ITGBL1: variants seen among roughly 807,000 people sequenced by gnomAD.
The protein encoded by ITGBL1 is integrin beta-like protein 1.
ITGBL1 carries 51 observed loss-of-function variants against 68.5 expected under a neutral mutation model. The ratio of observed to expected loss-of-function variants is 0.74; its 90% CI spans 0.59 to 0.94. The LOEUF is 0.94. Among genes scored for constraint, ITGBL1 ranks in the 40% least tolerant of loss-of-function variants. ITGBL1 has a pLI of 0.00. For synonymous variants in ITGBL1, 209 were observed against 227.3 expected (o/e 0.92, Z 0.72); for missense variants, 649 against 647.4 (o/e 1.00, Z -0.03).
intron 2 of ITGBL1, among the ~76,000 whole-genome samples, chr13:101,525,005 G>A (rs770857567): frequency 6.6e-6 from 1 of 152,060 alleles, no homozygotes; most frequent in African/African-American, 2.4e-5. Context: ...ACCTATAATT[G>A]AAATTTTATG....
intron 2 of ITGBL1, among the ~76,000 whole-genome samples, chr13:101,471,719 A>G (rs2048463547): frequency 6.6e-6 from 1 of 152,178 alleles, no homozygotes; most frequent in Admixed American, 6.5e-5. Flanking sequence ...CAGGAGCACT[A>G]GAAAGTGAGA....
chr13:101,605,724 G>A (rs1200150741), intron 7 of ITGBL1, among the ~76,000 whole-genome samples: 3 of 151,320 alleles, frequency 2.0e-5, no homozygotes, highest in Non-Finnish European at 4.4e-5. Context: ...GTATATGCGT[G>A]TACACGTATG....
At chr13:101,694,359 C>T (rs868841476) in intron 8 of ITGBL1, among the ~76,000 whole-genome samples, 3 of 152,062 alleles carry the variant, frequency 2.0e-5, no homozygotes, top group Non-Finnish European at 2.9e-5. Flanking sequence ...GCTTGCCTGG[C>T]CCCTTGAAAG....
chr13:101,483,394 C>G (rs1346486841), intron 2 of ITGBL1, among the ~76,000 whole-genome samples: 1 of 152,178 alleles, frequency 6.6e-6, no homozygotes, highest in Admixed American at 6.5e-5. Context: ...ATATCATTGA[C>G]AATGTGTCAC....
chr13:101,539,684 C>G (rs1371179876), intron 2 of ITGBL1, among the ~76,000 whole-genome samples: 1 of 151,370 alleles, frequency 6.6e-6, no homozygotes, highest in Non-Finnish European at 1.5e-5. Flanking sequence ...TAAAAGTGTT[C>G]CTATTTCTCC....
chr13:101,546,381 G>C (rs1335062817), intron 2 of ITGBL1, among the ~76,000 whole-genome samples: 1 of 151,772 alleles, frequency 6.6e-6, no homozygotes, highest in Admixed American at 6.6e-5. Context: ...TGATATTGTG[G>C]AACAAAACAA....
At chr13:101,660,156 T>C (rs980756842) in intron 7 of ITGBL1, among the ~76,000 whole-genome samples, 1 of 152,076 alleles carries the variant, frequency 6.6e-6, no homozygotes, top group African/African-American at 2.4e-5. Flanking sequence ...AAAGAAATAG[T>C]TTAATAAAGT....
At chr13:101,550,588 T>A (rs1323630197) in intron 2 of ITGBL1, among the ~76,000 whole-genome samples, 3 of 152,180 alleles carry the variant, frequency 2.0e-5, no homozygotes, top group African/African-American at 7.2e-5. Context: ...GCTAATTTGT[T>A]AGTTTGAAAG....
rs973442109 is a variant in ITGBL1 at position 101,455,530 on chromosome 13, C to G, written c.316+1430C>G. Among the ~76,000 whole-genome samples the G allele has an allele frequency of 5.3e-5, 8 of 151,942 alleles. No individual in the cohort carries two copies. In the East Asian group the frequency reaches 1.6e-3, roughly 30 times the overall value. On this transcript the variant is annotated intron_variant, in intron 2 of 10. Transcript: ENST00000376180. ...AAAAATACAAAAATTAGCTGGGCGT[C>G]GTGGCATGTGCCTGTAATCCCAGCT...
At chr13:101,568,442 C>T (rs556406648) in intron 3 of ITGBL1, among the ~76,000 whole-genome samples, 6 of 152,114 alleles carry the variant, frequency 3.9e-5, no homozygotes, top group South Asian at 4.1e-4. Context: ...TGGTATTTAG[C>T]GAGTGTTACC....
At chr13:101,471,680 C>T (rs1290348950) in intron 2 of ITGBL1, among the ~76,000 whole-genome samples, 1 of 152,036 alleles carries the variant, frequency 6.6e-6, no homozygotes, top group Admixed American at 6.6e-5. Context: ...TTTATGCTAC[C>T]CAAGCTACGT....
intron 2 of ITGBL1, among the ~76,000 whole-genome samples, chr13:101,485,907 G>A (rs2048695868): frequency 6.6e-6 from 1 of 152,124 alleles, no homozygotes; most frequent in Admixed American, 6.5e-5. Flanking sequence ...ATATAAATTA[G>A]TGTAATACAA....
In ITGBL1 at chr13:101,623,856, T is replaced by G. The variant is rs535924374; in HGVS notation, c.1015+25557T>G. Among the ~76,000 whole-genome samples, 18 of 152,302 alleles carry G rather than the reference T, an allele frequency of 1.2e-4. No individual in the cohort carries two copies. The South Asian group carries it at 3.5e-3, about 30-fold the overall frequency. The stretch of plus-strand genomic sequence containing the variant: ...GAATGAAAGTTTTTTTGGGTATACC[T>G]TCTGGCCTTCTGGGCCTGTTTTTGG... On this transcript the variant is annotated intron_variant, in intron 7 of 10. Coordinates refer to ENST00000376180, the MANE Select transcript of ITGBL1 (RefSeq NM_004791.3).
At chr13:101,675,630 A>G (rs901505434) in intron 7 of ITGBL1, among the ~76,000 whole-genome samples, 4 of 152,266 alleles carry the variant, frequency 2.6e-5, no homozygotes, top group African/African-American at 9.6e-5. Context: ...TAAAGAATCT[A>G]TCTTCAAATA....
chr13:101,706,212 A>G (rs952435663), intron 8 of ITGBL1, among the ~76,000 whole-genome samples: 2 of 152,254 alleles, frequency 1.3e-5, no homozygotes, highest in African/African-American at 4.8e-5. Flanking sequence ...GTTAATTTTT[A>G]TGCAATAATA....
intron 2 of ITGBL1, among the ~76,000 whole-genome samples, chr13:101,481,185 T>TGA (rs5806223): frequency 0.056 from 8,239 of 147,678 alleles, 294 homozygotes; most frequent in South Asian, 0.12. Context: ...TATATACATA[T>TGA]GAGAGAGAGA....
intron 7 of ITGBL1, among the ~76,000 whole-genome samples, chr13:101,621,347 A>C (rs1047068137): frequency 1.3e-5 from 2 of 152,228 alleles, no homozygotes; most frequent in East Asian, 3.9e-4. Flanking sequence ...CAGTGTTTCT[A>C]TTTCTGTTTA....
chr13:101,641,845 G>A (rs2032389131), intron 7 of ITGBL1, among the ~76,000 whole-genome samples: 1 of 150,958 alleles, frequency 6.6e-6, no homozygotes, highest in South Asian at 2.1e-4. Flanking sequence ...AGTTTACTGA[G>A]AATGATGATT....
intron 6 of ITGBL1, among the ~76,000 whole-genome samples, chr13:101,592,842 A>G (rs1215632587): frequency 1.3e-5 from 2 of 152,038 alleles, no homozygotes; most frequent in Non-Finnish European, 2.9e-5. Flanking sequence ...AAAACATAGG[A>G]TAGTACTTTA....
Sources: gnomAD v4.1 joint callset for allele counts (sites outside exome capture counted in the v4.1 genomes callset) on GRCh38, gnomAD v4.1.1 for gene constraint, MANE v1.5 for transcripts, NCBI Gene and HGNC (gene_info 2026-07-23, HGNC 2026-07-21) for gene names.